Variants in SYN3 observed in about 807,000 individuals in gnomAD.
The protein encoded by SYN3 is synapsin III.
In SYN3, 35 loss-of-function variants were observed where a neutral mutation model predicts 65.8. The ratio of observed to expected loss-of-function variants is 0.53; its 90% CI spans 0.41 to 0.70. SYN3 has a LOEUF of 0.70. SYN3 is among the 30% of genes least tolerant of loss of function. SYN3 has a pLI of 0.00. For missense variants in SYN3, 680 were observed against 749.0 expected (o/e 0.91, Z 1.08); for synonymous variants, 270 against 292.9 (o/e 0.92, Z 0.80).
chr22:33,052,596 AAG>A (rs1346158327), intron 1 of SYN3, among the ~76,000 whole-genome samples: 1 of 151,562 alleles, frequency 6.6e-6, no homozygotes, highest in Non-Finnish European at 1.5e-5. Context: ...AAAAAAAAAA[AAG>A]AGAGAGAGAG....
At chr22:32,974,089 C>CATT (rs2052106081) in intron 3 of SYN3, among the ~76,000 whole-genome samples, 1 of 152,170 alleles carries the variant, frequency 6.6e-6, no homozygotes, top group Admixed American at 6.5e-5. Flanking sequence ...GCACCCAACT[C>CATT]AAAGTACCCA....
chr22:33,027,343 T>C (rs1048241172), intron 1 of SYN3, among the ~76,000 whole-genome samples: 28 of 152,102 alleles, frequency 1.8e-4, no homozygotes, highest in African/African-American at 6.5e-4. Flanking sequence ...ACGCCTGTAA[T>C]CCCAGCACTT....
intron 6 of SYN3, among the ~76,000 whole-genome samples, chr22:32,672,669 C>G (rs1347077555): frequency 2.0e-5 from 3 of 152,220 alleles, no homozygotes; most frequent in African/African-American, 7.2e-5. Context: ...TGAGCTGGCA[C>G]CTTCCTGCGT....
At chr22:32,865,676 T>C (rs1326557766) in intron 5 of SYN3, among the ~76,000 whole-genome samples, 1 of 152,174 alleles carries the variant, frequency 6.6e-6, no homozygotes, top group Non-Finnish European at 1.5e-5. Flanking sequence ...TCCTCCTGCT[T>C]CAACACTTGC....
intron 6 of SYN3, among the ~76,000 whole-genome samples, chr22:32,608,881 T>TA (rs1431350621): frequency 1.3e-5 from 2 of 152,238 alleles, no homozygotes; most frequent in African/African-American, 4.8e-5. Flanking sequence ...TTTAAACTGA[T>TA]ACGCAGTTAA....
At chr22:32,948,778 G>GT (rs924373025) in intron 3 of SYN3, among the ~76,000 whole-genome samples, 2 of 148,942 alleles carry the variant, frequency 1.3e-5, no homozygotes, top group African/African-American at 2.5e-5. Flanking sequence ...ATGGTTTTGT[G>GT]TTTTTTCTTC....
intron 12 of SYN3, among the ~76,000 whole-genome samples, chr22:32,522,982 T>TA (rs2057912808): frequency 6.6e-6 from 1 of 152,248 alleles, no homozygotes; most frequent in South Asian, 2.1e-4. Flanking sequence ...AGTTTGCAGA[T>TA]ACTGTGTTTT....
At chr22:32,879,290 T>C (rs1019304864) in intron 4 of SYN3, among the ~76,000 whole-genome samples, 1 of 152,218 alleles carries the variant, frequency 6.6e-6, no homozygotes, top group African/African-American at 2.4e-5. Flanking sequence ...CAAAAATGTA[T>C]TGAGCACTAA....
At chr22:32,989,518 C>A (rs575956876) in intron 2 of SYN3, among the ~76,000 whole-genome samples, 2 of 152,266 alleles carry the variant, frequency 1.3e-5, no homozygotes, top group South Asian at 4.2e-4. Context: ...CCCTTCCTCT[C>A]CAGCATAGGC....
intron 6 of SYN3, among the ~76,000 whole-genome samples, chr22:32,696,716 G>A (rs1216035101): frequency 1.3e-5 from 2 of 152,102 alleles, no homozygotes; most frequent in East Asian, 3.9e-4. Flanking sequence ...GGGTGAAAAC[G>A]GCTCTTCCCA....
intron 6 of SYN3, among the ~76,000 whole-genome samples, chr22:32,707,695 C>T (rs1050225298): frequency 6.6e-6 from 1 of 152,096 alleles, no homozygotes; most frequent in African/African-American, 2.4e-5. Context: ...TTCCCTTTTC[C>T]TATCTGTGTC....
intron 3 of SYN3, among the ~76,000 whole-genome samples, chr22:32,934,084 A>G (rs575503827): frequency 2.0e-5 from 3 of 152,330 alleles, no homozygotes; most frequent in African/African-American, 7.2e-5. Context: ...CCTAGTTATT[A>G]AGTTTAATGC....
intron 1 of SYN3, among the ~76,000 whole-genome samples, chr22:33,008,087 C>T (rs2053243741): frequency 6.6e-6 from 1 of 152,138 alleles, no homozygotes; most frequent in African/African-American, 2.4e-5. Flanking sequence ...CAGGCACCCA[C>T]CACCACGCCC....
At chr22:32,674,095 G>A (rs1475573437) in intron 6 of SYN3, among the ~76,000 whole-genome samples, 2 of 152,096 alleles carry the variant, frequency 1.3e-5, no homozygotes, top group Non-Finnish European at 2.9e-5. Flanking sequence ...CTGGGCGGGA[G>A]GGGACCCAGA....
chr22:32,851,153 C>T (rs1021960051), intron 6 of SYN3, among the ~76,000 whole-genome samples: 3 of 152,150 alleles, frequency 2.0e-5, no homozygotes, highest in African/African-American at 7.2e-5. Context: ...GCAAAAAGCC[C>T]ACTTTGCAAC....
chr22:32,690,677 C>T (rs1601920716), intron 6 of SYN3, among the ~76,000 whole-genome samples: 1 of 152,160 alleles, frequency 6.6e-6, no homozygotes, highest in East Asian at 1.9e-4. Context: ...CTCCACCTTC[C>T]CTGCATCCCT....
rs1220142268 is a variant in SYN3, at chr22:32,518,060, T to C, written c.1593A>G (p.Pro531=). 2.0e-6 allele frequency: 3 copies of C among 1,524,222 alleles called. No homozygotes were observed. The African/African-American group carries it at 4.2e-5, about 21-fold the overall frequency. The allele number at this position is 1,524,222 out of a possible 1,614,324, so 94.4% of individuals were successfully genotyped here. A position where few individuals can be genotyped will look rare whatever the true frequency, so the allele number is the denominator to read the frequency against. ...GCACTTACTTGAGATGCGGATGGGG[T>C]GGTGCTGGCTTCTTGGACTCTTCAC... ...QQGEESKKPA[P]PHPHLNKSQS... The change falls in exon 13 of 14, where the codon CCA becomes CCG. Residue 531 remains proline (P), a synonymous_variant. Transcript: ENST00000358763.
chr22:32,570,265 G>A (rs553502708), intron 7 of SYN3, among the ~76,000 whole-genome samples: 4 of 152,200 alleles, frequency 2.6e-5, no homozygotes, highest in Admixed American at 6.5e-5. Context: ...GATGCTGAGC[G>A]TGGGGTCCCG....
intron 2 of SYN3, among the ~76,000 whole-genome samples, chr22:32,981,669 C>T (rs2052378387): frequency 6.6e-6 from 1 of 151,840 alleles, no homozygotes; most frequent in Admixed American, 6.6e-5. Context: ...AAAAGGATCC[C>T]ACATAAAAAG....
Sources: gnomAD v4.1 joint callset for allele counts (sites outside exome capture counted in the v4.1 genomes callset) on GRCh38, gnomAD v4.1.1 for gene constraint, MANE v1.5 for transcripts, NCBI Gene and HGNC (gene_info 2026-07-23, HGNC 2026-07-21) for gene names.